NAA15: variants seen among roughly 807,000 people sequenced by gnomAD.
NAA15 encodes N-terminal acetyltransferase.
NAA15 carries 34 observed loss-of-function variants against 114.0 expected under a neutral mutation model. The ratio of observed to expected loss-of-function variants is 0.30; its 90% CI spans 0.23 to 0.40. The LOEUF is 0.40. Ranked by LOEUF, NAA15 falls within the 10% of genes least tolerant of loss-of-function variation. The probability of loss-of-function intolerance (pLI) is 1.00; values close to 1 mark genes in which losing one functional copy is unlikely to be tolerated. For synonymous variants in NAA15, 340 were observed against 338.0 expected (o/e 1.01, Z -0.06); for missense variants, 658 against 1,004.5 (o/e 0.66, Z 4.66).
intron 15 of NAA15, among the ~76,000 whole-genome samples, chr4:139,373,444 C>T (rs1748498187): frequency 6.6e-6 from 1 of 152,080 alleles, no homozygotes; most frequent in Non-Finnish European, 1.5e-5. Flanking sequence ...CATTATGTAG[C>T]ACATGACTAT....
chr4:139,389,292 A>G lies in NAA15; in HGVS notation c.*1208A>G, dbSNP rs1748988639. 1 of 152,242 alleles carries G rather than the reference A, an allele frequency of 6.6e-6. No homozygotes were observed. Among genetic ancestry groups the G allele is most frequent in the Non-Finnish European group, 1.5e-5 (1 of 67,994 alleles). The allele number at this position is 152,242 out of a possible 1,614,324, so 9.4% of individuals were successfully genotyped here. On this transcript the variant is annotated 3_prime_UTR_variant, in exon 20 of 20. Coordinates refer to ENST00000296543, the MANE Select transcript of NAA15 (RefSeq NM_057175.5). ...TTTGTTGTCAAACATAAGGTACCAA[A>G]TATGATGCAATAAATTGTTTTGAAA...
At chr4:139,348,452 C>CAAAA (rs35328479) in intron 6 of NAA15, among the ~76,000 whole-genome samples, 3 of 88,002 alleles carry the variant, frequency 3.4e-5, no homozygotes, top group African/African-American at 1.1e-4. Context: ...GACTGTATCA[C>CAAAA]AAAAAAAAAA....
chr4:139,309,580 GCTTA>G (rs1197273038), intron 1 of NAA15, among the ~76,000 whole-genome samples: 1 of 151,768 alleles, frequency 6.6e-6, no homozygotes, highest in African/African-American at 2.4e-5. Flanking sequence ...TGGCCTGTTT[GCTTA>G]CTTTTTAATT....
intron 1 of NAA15, among the ~76,000 whole-genome samples, chr4:139,330,760 G>A (rs1474487846): frequency 6.6e-6 from 1 of 152,188 alleles, no homozygotes; most frequent in Non-Finnish European, 1.5e-5. Flanking sequence ...GCTGGAGCCT[G>A]TGATTGAGAC....
chr4:139,340,790 C>G (rs963261048), intron 3 of NAA15, 122 bp from the exon 4 acceptor site: 3 of 666,980 alleles, frequency 4.5e-6, no homozygotes, highest in Non-Finnish European at 7.1e-6. Flanking sequence ...TCTCCCCCTC[C>G]CCTTCCCCTT....
chr4:139,302,140 T>A, intron 1 of NAA15: 3 of 318,748 alleles, frequency 9.4e-6, no homozygotes, highest in Non-Finnish European at 1.7e-5. Context: ...AGGCCCGGCC[T>A]TTGGCGGGCA....
chr4:139,385,093 A>T (rs1339015464), intron 18 of NAA15, 115 bp downstream of exon 18: 3 of 878,600 alleles, frequency 3.4e-6, no homozygotes, highest in Non-Finnish European at 4.7e-6. Flanking sequence ...TATATGTTAC[A>T]TTGTGATCGT....
intron 2 of NAA15, among the ~76,000 whole-genome samples, chr4:139,336,555 G>A (rs546858858): frequency 2.6e-5 from 4 of 152,052 alleles, no homozygotes; most frequent in Non-Finnish European, 5.9e-5. Flanking sequence ...CCTGAAGAAT[G>A]AATTACTAGA....
In NAA15 at chr4:139,355,237, TATA is replaced by T. The variant is rs540867834; in HGVS notation, c.1087+1141_1087+1143del. On this transcript the variant is annotated intron_variant, in intron 10 of 19. Transcript: ENST00000296543. The stretch of plus-strand genomic sequence containing the variant: ...TCCATGTTCACATTTCCAGTTATGT[TATA>T]AATGCCATTTTTTTTTTGCCTTTCC... 3.3e-3 allele frequency among the ~76,000 whole-genome samples: 503 copies of T among 152,270 alleles called. 6 individuals are homozygous for T. Among genetic ancestry groups the T allele is most frequent in the African/African-American group, 0.011 (473 of 41,532 alleles).
intron 1 of NAA15, among the ~76,000 whole-genome samples, chr4:139,333,339 A>G (rs1003582295): frequency 1.3e-5 from 2 of 152,022 alleles, no homozygotes; most frequent in Non-Finnish European, 2.9e-5. Flanking sequence ...ACAGTATTTC[A>G]TTTTTACTTT....
chr4:139,317,838 T>C (rs1291835496), intron 1 of NAA15, among the ~76,000 whole-genome samples: 1 of 152,228 alleles, frequency 6.6e-6, no homozygotes, highest in African/African-American at 2.4e-5. Flanking sequence ...GAAATAACTA[T>C]GAGGTTATAT....
Position 139,390,545 on chromosome 4 carries a change from G to A in NAA15, c.*2461G>A, listed in dbSNP as rs945369460. 3 of 152,644 alleles carry A rather than the reference G, an allele frequency of 2.0e-5. No individual in the cohort carries two copies. The highest frequency in any genetic ancestry group is 7.2e-5 in the African/African-American group (3 of 41,456). 9.5% of individuals were successfully genotyped at this position (152,644 alleles called of 1,614,324 possible). On this transcript the variant is annotated 3_prime_UTR_variant, in exon 20 of 20. Transcript: ENST00000296543. The stretch of plus-strand genomic sequence containing the variant: ...TCTAAACAAGTGCCTTATGTTTATT[G>A]CTAAGAACTGGTGTTACCAACCCTT...
chr4:139,376,218 A>G, intron 15 of NAA15, 147 bp from the exon 16 acceptor site: 1 of 519,930 alleles, frequency 1.9e-6, no homozygotes, highest in Non-Finnish European at 3.3e-6. Flanking sequence ...CCCCTTTTTT[A>G]GGTTATAGGA....
Position 139,368,313 on chromosome 4 carries a change from A to G in NAA15, c.1754-1898A>G, listed in dbSNP as rs58131351. ...AGATGTTGGCTGGGCACGGTGGTTC[A>G]TGCCTGTAGTCCTAATGCTTTGGGA... On this transcript the variant is annotated intron_variant, in intron 14 of 19. Transcript: ENST00000296543. Among the ~76,000 whole-genome samples, 446 of 152,282 alleles carry G rather than the reference A, an allele frequency of 2.9e-3. 3 individuals carry two copies. The highest frequency in any genetic ancestry group is 0.01 in the African/African-American group (424 of 41,556).
intron 10 of NAA15, among the ~76,000 whole-genome samples, chr4:139,355,100 A>G (rs1747904129): frequency 6.6e-6 from 1 of 152,066 alleles, no homozygotes; most frequent in Non-Finnish European, 1.5e-5. Context: ...GCTGGTCTCG[A>G]ACTCCTGACC....
intron 17 of NAA15, among the ~76,000 whole-genome samples, chr4:139,383,181 A>G (rs1277825683): frequency 3.3e-5 from 5 of 152,218 alleles, no homozygotes; most frequent in Non-Finnish European, 7.3e-5. Flanking sequence ...AATAGTAACT[A>G]TGATTTATTG....
rs377663628 is a variant in NAA15 at position 139,361,747 on chromosome 4, C to T, written c.1563C>T (p.Asp521=). The T allele has an allele frequency of 3.1e-5, 49 of 1,594,592 alleles. No homozygotes were observed. The highest frequency in any genetic ancestry group is 4.0e-5 in the African/African-American group (3 of 74,438). ...IERHFIEITD[D]QFDFHTYCMR... ...AGCATTTTATAGAAATCACTGATGA[C>T]CAGTTTGACTTTCATACATACTGTA... Residue 521 remains aspartate (D), a synonymous_variant, in exon 14 of 20, where the codon GAC becomes GAT. Transcript: ENST00000296543.
At chr4:139,320,460 G>A (rs996676454) in intron 1 of NAA15, among the ~76,000 whole-genome samples, 3 of 152,260 alleles carry the variant, frequency 2.0e-5, no homozygotes, top group East Asian at 1.9e-4. Flanking sequence ...ACTTTGTGGT[G>A]TTGCTTTTCC....
chr4:139,373,801 C>T (rs1053568656), intron 15 of NAA15, among the ~76,000 whole-genome samples: 3 of 152,002 alleles, frequency 2.0e-5, no homozygotes, highest in South Asian at 2.1e-4. Flanking sequence ...CAGGTTCAAG[C>T]GATTCTCCTG....
Sources: gnomAD v4.1 joint callset for allele counts (sites outside exome capture counted in the v4.1 genomes callset) on GRCh38, gnomAD v4.1.1 for gene constraint, MANE v1.5 for transcripts, NCBI Gene and HGNC (gene_info 2026-07-23, HGNC 2026-07-21) for gene names.